KIAA0586: variants seen among roughly 807,000 people sequenced by gnomAD.
KIAA0586 encodes the protein KIAA0586, also known as protein TALPID3.
Under a neutral mutation model 169.8 loss-of-function variants are expected in KIAA0586, and 144 were observed. That is an observed-to-expected ratio of 0.85 (90% CI 0.74 to 0.97). The LOEUF (loss-of-function observed/expected upper bound fraction) is 0.97. Among genes scored for constraint, KIAA0586 ranks in the 50% least tolerant of loss-of-function variants. The pLI is 0.00. For synonymous variants in KIAA0586, 625 were observed against 612.4 expected, an observed-to-expected ratio of 1.02 and a Z score of -0.30; for missense variants, 1,854 against 1,823.0, an observed-to-expected ratio of 1.02 and a Z score of -0.31.
chr14:58,451,019 C>T (rs368351757), intron 8 of KIAA0586, among the ~76,000 whole-genome samples: 2 of 135,226 alleles, frequency 1.5e-5, no homozygotes, highest in African/African-American at 2.8e-5. Flanking sequence ...GACGGAGTCT[C>T]GCTCTGTTGC....
At chr14:58,556,868 C>A in the KIAA0586 span, among the ~76,000 whole-genome samples, 4 of 152,158 alleles carry the variant, frequency 2.6e-5, no homozygotes, top group Non-Finnish European at 4.4e-5. Context: ...GCCTCAGCCT[C>A]CCTAGTAGCT....
At chr14:58,542,568 G>A (rs993699285) in intron 30 of KIAA0586, among the ~76,000 whole-genome samples, 4 of 152,042 alleles carry the variant, frequency 2.6e-5, no homozygotes, top group Admixed American at 6.5e-5. Flanking sequence ...TTAAAACACA[G>A]TTAACTAGAG....
Position 58,548,207 on chromosome 14 carries a change from A to T in KIAA0586, c.*275A>T. On this transcript the variant is annotated 3_prime_UTR_variant, in exon 31 of 31. Coordinates refer to ENST00000652326, the MANE Select transcript of KIAA0586 (RefSeq NM_001329943.3). The stretch of plus-strand genomic sequence containing the variant: ...ATGGCTTTTGACATCTAGGCATTTA[A>T]TCTATAGGTGTAATTATCTGTATGT... 1 of 328,532 alleles carries T rather than the reference A, an allele frequency of 3.0e-6. No homozygotes were observed. The highest frequency in any genetic ancestry group is 5.5e-6 in the Non-Finnish European group (1 of 181,736). The allele number at this position is 328,532 out of a possible 1,614,324, so 20.4% of individuals were successfully genotyped here.
intron 27 of KIAA0586, among the ~76,000 whole-genome samples, chr14:58,506,186 G>T (rs1279088290): frequency 6.6e-6 from 1 of 151,904 alleles, no homozygotes; most frequent in African/African-American, 2.4e-5. Context: ...TTAGAAAAAT[G>T]TTGAACAAGT....
At position 58,477,218 on chromosome 14, in the gene KIAA0586, G is replaced by A. The variant is rs1241940833; in HGVS notation, c.2921G>A (p.Ser974Asn). The A allele has an allele frequency of 5.8e-6, 9 of 1,556,772 alleles. No homozygotes were observed. In the East Asian group the frequency reaches 6.9e-5, roughly 12 times the overall value. The change falls in exon 20 of 31, where the codon AGT becomes AAT. Residue 974 changes from serine to asparagine, a missense_variant. By Grantham distance (46) the Ser-to-Asn change is conservative. Coordinates refer to ENST00000652326, the MANE Select transcript of KIAA0586 (RefSeq NM_001329943.3). ...ATCAGTGTTTCAGTCAGTGAGACAA[G>A]TGAACCACTGACTTCTGACATTGGT... is the stretch of plus-strand genomic sequence containing the variant. Reference protein sequence around the residue: ...PSISVSVSETSEPLTSDIVEG... With the variant: ...PSISVSVSETNEPLTSDIVEG...
chr14:58,532,502 G>C (rs759269116), intron 29 of KIAA0586, among the ~76,000 whole-genome samples: 1 of 152,134 alleles, frequency 6.6e-6, no homozygotes, highest in Non-Finnish European at 1.5e-5. Flanking sequence ...CAGTTCCACA[G>C]ATGAAAATGA....
intron 30 of KIAA0586, among the ~76,000 whole-genome samples, chr14:58,541,478 T>G (rs1404747713): frequency 6.6e-6 from 1 of 152,158 alleles, no homozygotes; most frequent in Non-Finnish European, 1.5e-5. Flanking sequence ...GACAGATACA[T>G]AAATAATTAC....
chr14:58,480,822 C>T (rs999083193), intron 20 of KIAA0586, among the ~76,000 whole-genome samples: 4 of 152,174 alleles, frequency 2.6e-5, no homozygotes, highest in African/African-American at 9.7e-5. Flanking sequence ...TTTCTCTCGT[C>T]ATCTCATCTT....
In KIAA0586 at chr14:58,531,019, C is replaced by A. The variant is rs555497595; in HGVS notation, c.4430-9052C>A. 6.2e-4 allele frequency among the ~76,000 whole-genome samples: 94 copies of A among 151,914 alleles called. 1 individual carries two copies. The South Asian group carries it at 0.019, about 30-fold the overall frequency. On this transcript the variant is annotated intron_variant, in intron 29 of 30. Coordinates refer to ENST00000652326, the MANE Select transcript of KIAA0586 (RefSeq NM_001329943.3). The stretch of plus-strand genomic sequence containing the variant: ...AGAAAAAAACAACCCCATCAAAAAG[C>A]GGGCAAAGGGGCCGGGTGCAGTGGC...
At position 58,460,658 on chromosome 14, in the gene KIAA0586, T is replaced by C. The variant is rs535583421; in HGVS notation, c.1885-328T>C. 1.2e-4 allele frequency among the ~76,000 whole-genome samples: 18 copies of C among 152,284 alleles called. 1 individual carries two copies. Among genetic ancestry groups the C allele is most frequent in the African/African-American group, 4.1e-4 (17 of 41,582 alleles). On this transcript the variant is annotated intron_variant, in intron 13 of 30. Transcript: ENST00000652326. ...GTGGGTTCAGAAATATATAAAATTA[T>C]TTAAAGGTTAAGGTTGTTGTATTTT... is the stretch of plus-strand genomic sequence containing the variant.
chr14:58,533,975 C>A (rs1157231256), intron 29 of KIAA0586, among the ~76,000 whole-genome samples: 1 of 152,104 alleles, frequency 6.6e-6, no homozygotes, highest in Non-Finnish European at 1.5e-5. Flanking sequence ...CCAGGTCTGG[C>A]CTTAGGGAAG....
intron 4 of KIAA0586, among the ~76,000 whole-genome samples, chr14:58,438,181 GCTT>G (rs1479043792): frequency 6.6e-6 from 1 of 152,066 alleles, no homozygotes; most frequent in African/African-American, 2.4e-5. Flanking sequence ...TGAAATAATT[GCTT>G]CTTAATGGGA....
chr14:58,521,482 G>A, intron 29 of KIAA0586: 4 of 759,756 alleles, frequency 5.3e-6, no homozygotes, highest in Non-Finnish European at 4.8e-6. Flanking sequence ...GGATTATTAT[G>A]ATAGGATGTA....
At chr14:58,489,093 T>C (rs1029788330) in intron 24 of KIAA0586, among the ~76,000 whole-genome samples, 39 of 152,272 alleles carry the variant, frequency 2.6e-4, no homozygotes, top group Admixed American at 2.4e-3. Flanking sequence ...ATATCACTAT[T>C]AATGGTTTGG....
intron 26 of KIAA0586, among the ~76,000 whole-genome samples, chr14:58,496,902 T>G (rs2141284284): frequency 6.6e-6 from 1 of 152,320 alleles, no homozygotes; most frequent in South Asian, 2.1e-4. Flanking sequence ...ATATAATTTT[T>G]TAATACAGAA....
intron 21 of KIAA0586, among the ~76,000 whole-genome samples, chr14:58,483,168 A>G (rs112560440): frequency 9.2e-5 from 14 of 151,958 alleles, no homozygotes; most frequent in Non-Finnish European, 1.5e-4. Flanking sequence ...AGCCCTCTAT[A>G]TATATATGGA....
intron 26 of KIAA0586, among the ~76,000 whole-genome samples, chr14:58,496,745 A>T (rs547249542): frequency 6.6e-6 from 1 of 151,722 alleles, no homozygotes; most frequent in African/African-American, 2.4e-5. Context: ...TAGTCTAGTT[A>T]AAAAAAACAC....
chr14:58,535,757 G>C (rs958717589), intron 29 of KIAA0586, among the ~76,000 whole-genome samples: 12 of 145,816 alleles, frequency 8.2e-5, no homozygotes, highest in Non-Finnish European at 3.0e-5. Flanking sequence ...TATCCTGACT[G>C]TTACTAATTT....
chr14:58,485,692 TTGAA>T (rs966822568), intron 21 of KIAA0586, among the ~76,000 whole-genome samples: 40 of 152,196 alleles, frequency 2.6e-4, no homozygotes, highest in African/African-American at 9.4e-4. Context: ...TTTGAACCAT[TTGAA>T]TGATTACCTA....
Sources: gnomAD v4.1 joint callset for allele counts (sites outside exome capture counted in the v4.1 genomes callset) on GRCh38, gnomAD v4.1.1 for gene constraint, MANE v1.5 for transcripts, NCBI Gene and HGNC (gene_info 2026-07-23, HGNC 2026-07-21) for gene names.